EHMT1: variants seen among roughly 807,000 people sequenced by gnomAD.
EHMT1 encodes the protein histone-lysine N-methyltransferase EHMT1.
In EHMT1, 15 loss-of-function variants were observed where a neutral mutation model predicts 147.2. That is an observed-to-expected ratio of 0.10 (90% CI 0.07 to 0.16). The LOEUF (loss-of-function observed/expected upper bound fraction) is 0.16, where lower values mean the gene tolerates loss of function less well. Ranked by LOEUF, EHMT1 falls within the 10% of genes least tolerant of loss-of-function variation. The pLI is 1.00. For missense variants in EHMT1, 1,587 were observed against 1,772.4 expected (o/e 0.90, Z 1.88); for synonymous variants, 795 against 709.6 (o/e 1.12, Z -1.91).
In EHMT1 at chr9:137,819,666, G is replaced by C. The variant is rs1052850470; in HGVS notation, c.3540+1528G>C. On this transcript the variant is annotated intron_variant, in intron 25 of 26. Transcript: ENST00000460843. ...TAGAGAGGCTGAGGGGGGGGGCGCC[G>C]TGTGCCGAGACTGTAAAGAGGCTGA... 1.4e-4 allele frequency among the ~76,000 whole-genome samples: 21 copies of C among 148,832 alleles called. 3 individuals are homozygous for C. Among genetic ancestry groups the C allele is most frequent in the Middle Eastern group, 3.4e-3 (1 of 292 alleles).
chr9:137,678,035 C>T (rs1407450355), intron 1 of EHMT1, among the ~76,000 whole-genome samples: 2 of 152,140 alleles, frequency 1.3e-5, no homozygotes, highest in Non-Finnish European at 1.5e-5. Context: ...CGCCACTGCA[C>T]TCCAGCCTGG....
At chr9:137,671,814 C>G (rs941194267) in intron 1 of EHMT1, among the ~76,000 whole-genome samples, 2 of 152,198 alleles carry the variant, frequency 1.3e-5, no homozygotes, top group African/African-American at 4.8e-5. Context: ...AGGCATCAGC[C>G]ACTGTGCCTG....
chr9:137,662,727 C>T (rs987087852), intron 1 of EHMT1, among the ~76,000 whole-genome samples: 1 of 152,192 alleles, frequency 6.6e-6, no homozygotes, highest in Admixed American at 6.5e-5. Flanking sequence ...TCTCGAACTC[C>T]TGATCTTGTG....
chr9:137,738,710 C>T (rs1462308967), intron 4 of EHMT1: 1 of 152,160 alleles, frequency 6.6e-6, no homozygotes, highest in Non-Finnish European at 1.5e-5. Flanking sequence ...TGTGACTCAG[C>T]CTGAGAAGCA....
At chr9:137,742,289 T>TGTGTGTG (rs1948160336) in intron 4 of EHMT1, among the ~76,000 whole-genome samples, 1 of 135,070 alleles carries the variant, frequency 7.4e-6, no homozygotes, top group African/African-American at 2.9e-5. Context: ...AGAACCAAAT[T>TGTGTGTG]TGTGTGTGTG....
chr9:137,813,762 C>T lies in EHMT1; in HGVS notation c.3180+232C>T, dbSNP rs541378803. On this transcript the variant is annotated intron_variant, in intron 21 of 26. Transcript: ENST00000460843. This position sits in a 1 kb window ranked among gnomAD's most constrained non-coding sequence, Gnocchi z 4.9. ...TCATTGCTCTTCCAAGGCTTCTTAC[C>T]GACCCAAAGCAGTGGCAGGCATCTT... 6.6e-5 allele frequency among the ~76,000 whole-genome samples: 10 copies of T among 152,276 alleles called. 2 individuals carry two copies. The South Asian group carries it at 1.7e-3, about 25-fold the overall frequency.
In EHMT1 at chr9:137,787,853, T is replaced by G; in HGVS notation, c.2383-2995T>G. The G allele has an allele frequency of 1.1e-5, 12 of 1,066,440 alleles. No homozygotes were observed. Among genetic ancestry groups the G allele is most frequent in the Non-Finnish European group, 1.6e-5 (11 of 684,334 alleles). The allele number at this position is 1,066,440 out of a possible 1,614,324, so 66.1% of individuals were successfully genotyped here. On this transcript the variant is annotated intron_variant, in intron 15 of 26. Transcript: ENST00000460843. The surrounding 1 kb of genome is among the most constrained non-coding windows in gnomAD (Gnocchi z 4.2). Reference sequence around the variant, plus strand: ...AGGCAGAGCTGGTTGACGGTGGACATTGGGGATAGGAGGTGGGTGGGGGTG... The same window carrying G: ...AGGCAGAGCTGGTTGACGGTGGACAGTGGGGATAGGAGGTGGGTGGGGGTG...
intron 1 of EHMT1, among the ~76,000 whole-genome samples, chr9:137,640,064 A>G (rs1844375398): frequency 6.6e-6 from 1 of 151,978 alleles, no homozygotes; most frequent in Non-Finnish European, 1.5e-5. Context: ...CCTCCCGAGT[A>G]GCTAGGATTA....
At chr9:137,655,263 C>T (rs998044254) in intron 1 of EHMT1, among the ~76,000 whole-genome samples, 5 of 152,144 alleles carry the variant, frequency 3.3e-5, no homozygotes, top group Admixed American at 1.3e-4. Context: ...GTGGTCTGCC[C>T]GCCTCAGCCT....
At chr9:137,779,766 T>G (rs750796507) in intron 14 of EHMT1, 49 bp downstream of exon 14, 1 of 1,600,382 alleles carries the variant, frequency 6.2e-7, no homozygotes, top group East Asian at 2.2e-5. Context: ...CCTGTGGCAC[T>G]GAAAGAAGCC....
intron 1 of EHMT1, among the ~76,000 whole-genome samples, chr9:137,650,388 C>T (rs1937663883): frequency 6.6e-6 from 1 of 152,096 alleles, no homozygotes; most frequent in African/African-American, 2.4e-5. Context: ...TGTGTAATTA[C>T]AGGTGTACCT....
intron 1 of EHMT1, chr9:137,675,134 C>T (rs1262006679): frequency 1.3e-5 from 2 of 152,230 alleles, no homozygotes; most frequent in African/African-American, 4.8e-5. Context: ...TGCTGTAGCT[C>T]CTTCTGTGCC....
intron 25 of EHMT1, among the ~76,000 whole-genome samples, chr9:137,819,614 A>G (rs1374493270): frequency 8.3e-6 from 1 of 120,914 alleles, no homozygotes; most frequent in Non-Finnish European, 1.6e-5. Context: ...AGAGAGGCCG[A>G]TTGAGGGGCG....
At position 137,776,825 on chromosome 9, in the gene EHMT1, G is replaced by A; in HGVS notation, c.1999G>A (p.Ala667Thr). Residue 667 changes from alanine (A) to threonine (T), a missense_variant, in exon 12 of 27, where the codon GCC becomes ACC. Transcript: ENST00000460843. This position sits in a 1 kb window ranked among gnomAD's most constrained non-coding sequence, Gnocchi z 4.4. ...QEKGSALEGR[A>T]DTTTGSAAGP... ...GAAGGGCTCGGCCCTGGAGGGCAGG[G>A]CCGACACCACAACGGGCAGGTACCT... is the stretch of plus-strand genomic sequence containing the variant. The A allele has an allele frequency of 6.2e-7, 1 of 1,613,914 alleles. No homozygotes were observed. Among genetic ancestry groups the A allele is most frequent in the Non-Finnish European group, 8.5e-7 (1 of 1,179,992 alleles).
chr9:137,705,533 G>T (rs1204453806), intron 1 of EHMT1, among the ~76,000 whole-genome samples: 13 of 152,236 alleles, frequency 8.5e-5, no homozygotes, highest in Admixed American at 8.5e-4. Context: ...CACCGTCCTG[G>T]TGTGTACTCT....
intron 18 of EHMT1, among the ~76,000 whole-genome samples, chr9:137,806,015 T>C (rs932886278): frequency 6.8e-6 from 1 of 146,500 alleles, no homozygotes; most frequent in Non-Finnish European, 1.5e-5. Context: ...CAGGCTGGAG[T>C]GCAGTGGTGC....
chr9:137,643,829 T>C (rs1321130106), intron 1 of EHMT1, among the ~76,000 whole-genome samples: 1 of 152,152 alleles, frequency 6.6e-6, no homozygotes, highest in Non-Finnish European at 1.5e-5. Flanking sequence ...TGGAACTCTT[T>C]GCGTTTTTCT....
At chr9:137,670,469 C>T (rs1408977800) in intron 1 of EHMT1, among the ~76,000 whole-genome samples, 1 of 152,142 alleles carries the variant, frequency 6.6e-6, no homozygotes, top group Non-Finnish European at 1.5e-5. Context: ...TGCAGCTCAG[C>T]CTCTGGACTC....
intron 1 of EHMT1, among the ~76,000 whole-genome samples, chr9:137,686,840 C>A (rs963679950): frequency 6.6e-6 from 1 of 150,922 alleles, no homozygotes; most frequent in Non-Finnish European, 1.5e-5. Flanking sequence ...ATGCCATTCT[C>A]CTGCCTCAGC....
Sources: gnomAD v4.1 joint callset for allele counts (sites outside exome capture counted in the v4.1 genomes callset) on GRCh38, gnomAD v4.1.1 for gene constraint, Gnocchi (gnomAD v3.1) non-coding constraint, MANE v1.5 for transcripts, NCBI Gene and HGNC (gene_info 2026-07-23, HGNC 2026-07-21) for gene names.